Variants in IPO5 observed in about 807,000 individuals in gnomAD.
The protein encoded by IPO5 is importin-5.
Under a neutral mutation model 143.3 loss-of-function variants are expected in IPO5, and 18 were observed. The ratio of observed to expected loss-of-function variants is 0.13; its 90% CI spans 0.09 to 0.19. The LOEUF (loss-of-function observed/expected upper bound fraction) is 0.19. Among genes scored for constraint, IPO5 ranks in the 10% least tolerant of loss-of-function variants. The pLI is 1.00. For missense variants in IPO5, 1,013 were observed against 1,336.9 expected, an observed-to-expected ratio of 0.76 and a Z score of 3.78; for synonymous variants, 477 against 465.7, an observed-to-expected ratio of 1.02 and a Z score of -0.31.
In IPO5 at chr13:98,003,169, A is replaced by G. The variant is rs372890480; in HGVS notation, c.1497+132A>G. 12 of 727,252 alleles carry G rather than the reference A, an allele frequency of 1.7e-5. 1 individual carries two copies. The highest frequency in any genetic ancestry group is 3.5e-5 in the African/African-American group (2 of 56,882). The allele number at this position is 727,252 out of a possible 1,614,324, so 45.0% of individuals were successfully genotyped here. Reference sequence around the variant, plus strand: ...ATAAAGTACAAAAACTGAGGAGGCTATTCGGAGTTGTGGAATGATGAGTAG... The same window carrying G: ...ATAAAGTACAAAAACTGAGGAGGCTGTTCGGAGTTGTGGAATGATGAGTAG... On this transcript the variant is annotated intron_variant, in intron 16 of 28. Transcript: ENST00000651721.
intron 2 of IPO5, among the ~76,000 whole-genome samples, chr13:97,965,760 T>C (rs917846108): frequency 7.7e-6 from 1 of 129,344 alleles, no homozygotes; most frequent in African/African-American, 2.8e-5. Flanking sequence ...ATAGTTTGTG[T>C]GTGTGTGTGT....
chr13:98,009,876 C>T lies in IPO5; in HGVS notation c.1801-5C>T, dbSNP rs763368147. ...ATCTATTTTAATTTTAAAATTTTTC[C>T]CCAGATCTCTTACATGATCTCAGCA... On this transcript the variant is annotated splice_region_variant and splice_polypyrimidine_tract_variant and intron_variant, in intron 18 of 28. Coordinates refer to ENST00000651721, the MANE Select transcript of IPO5 (RefSeq NM_002271.6). 7 of 1,579,954 alleles carry T rather than the reference C, an allele frequency of 4.4e-6. No individual in the cohort carries two copies. In the Admixed American group the frequency reaches 5.6e-5, roughly 13 times the overall value.
At chr13:98,001,362 A>T (rs1208826719) in intron 13 of IPO5, among the ~76,000 whole-genome samples, 1 of 152,144 alleles carries the variant, frequency 6.6e-6, no homozygotes. Flanking sequence ...TTTTGGTGGA[A>T]TCTCGCTCTG....
At chr13:97,966,799 G>A (rs959938831) in intron 2 of IPO5, among the ~76,000 whole-genome samples, 2 of 152,228 alleles carry the variant, frequency 1.3e-5, no homozygotes, top group Admixed American at 1.3e-4. Context: ...AGCACTTTGA[G>A]AGGCCGAGGG....
At chr13:98,007,800 C>T (rs1035527299) in intron 17 of IPO5, among the ~76,000 whole-genome samples, 1 of 152,158 alleles carries the variant, frequency 6.6e-6, no homozygotes, top group African/African-American at 2.4e-5. Flanking sequence ...GCTTGAAATG[C>T]GTAAGCCATA....
At chr13:97,957,467 A>AT (rs1018772208) in intron 2 of IPO5, among the ~76,000 whole-genome samples, 1 of 152,082 alleles carries the variant, frequency 6.6e-6, no homozygotes, top group African/African-American at 2.4e-5. Flanking sequence ...AAGTCCTGGG[A>AT]TTACAGGCAT....
chr13:98,007,801 G>A (rs528925160), intron 17 of IPO5, among the ~76,000 whole-genome samples: 80 of 152,128 alleles, frequency 5.3e-4, no homozygotes, highest in Non-Finnish European at 9.0e-4. Context: ...CTTGAAATGC[G>A]TAAGCCATAG....
In IPO5 at chr13:98,006,356, ATTTTTTTTTTTTT is replaced by A. The variant is rs568589408; in HGVS notation, c.1716+32_1716+44del. The A allele has an allele frequency of 0.012, 6,503 of 553,438 alleles. 82 individuals are homozygous for A. Among genetic ancestry groups the A allele is most frequent in the Admixed American group, 0.039 (849 of 21,830 alleles). The allele number at this position is 553,438 out of a possible 1,614,324, so 34.3% of individuals were successfully genotyped here. The stretch of plus-strand genomic sequence containing the variant: ...GCTGTTGGGAAGGAAAAAGTAAGTA[ATTTTTTTTTTTTT>A]TTTTTTTTTTTTTTTTTTTTTTTGA... On this transcript the variant is annotated intron_variant, in intron 17 of 28. Transcript: ENST00000651721.
intron 2 of IPO5, among the ~76,000 whole-genome samples, chr13:97,968,587 C>T (rs184884265): frequency 6.6e-6 from 1 of 152,276 alleles, no homozygotes; most frequent in East Asian, 1.9e-4. Flanking sequence ...GTTCTATCTT[C>T]CTGATTGAAT....
At chr13:97,987,701 C>A (rs1474888199) in intron 6 of IPO5, among the ~76,000 whole-genome samples, 1 of 152,130 alleles carries the variant, frequency 6.6e-6, no homozygotes, top group Non-Finnish European at 1.5e-5. Context: ...CTGGGTTTCA[C>A]CCTGTTTGCC....
At chr13:97,990,246 TATAAC>T in intron 8 of IPO5, 24 bp downstream of exon 8, 1 of 1,448,268 alleles carries the variant, frequency 6.9e-7, no homozygotes, top group African/African-American at 1.4e-5. Context: ...ATCCTATTAA[TATAAC>T]CATCTATTTT....
At chr13:98,020,607 C>T (rs141761436) in intron 27 of IPO5, among the ~76,000 whole-genome samples, 1 of 152,336 alleles carries the variant, frequency 6.6e-6, no homozygotes, top group East Asian at 1.9e-4. Context: ...TCCCATTAAA[C>T]TTGCCTGAGT....
In IPO5 at chr13:98,021,295, C is replaced by T. The variant is rs958637172; in HGVS notation, c.3207+162C>T. On this transcript the variant is annotated intron_variant, in intron 28 of 28. Coordinates refer to ENST00000651721, the MANE Select transcript of IPO5 (RefSeq NM_002271.6). ...TCAAATGGATTATACTTAATGTAAT[C>T]CATCCGTATGTACTTATTATTTATT... 7.1e-6 allele frequency: 4 copies of T among 564,914 alleles called. No homozygotes were observed. The African/African-American group carries it at 7.9e-5, about 11-fold the overall frequency. 35.0% of individuals were successfully genotyped at this position (564,914 alleles called of 1,614,324 possible).
chr13:97,992,588 C>T (rs1887894580), intron 9 of IPO5, among the ~76,000 whole-genome samples: 1 of 152,036 alleles, frequency 6.6e-6, no homozygotes, highest in Admixed American at 6.6e-5. Context: ...AGGAAAGGGA[C>T]TCCTGGTTAT....
In IPO5 at chr13:98,022,843, G is replaced by A. The variant is rs1305708324; in HGVS notation, c.*1021G>A. ...AACTTTTGAACTTTTAATTATAAGT[G>A]TTATGGCTAAAGTTATTTACTGAAA... is the stretch of plus-strand genomic sequence containing the variant. On this transcript the variant is annotated 3_prime_UTR_variant, in exon 29 of 29. Transcript: ENST00000651721. The A allele has an allele frequency of 2.6e-5, 4 of 152,568 alleles. No homozygotes were observed. The highest frequency in any genetic ancestry group is 7.2e-5 in the African/African-American group (3 of 41,438). The allele number at this position is 152,568 out of a possible 1,614,324, so 9.5% of individuals were successfully genotyped here. A position where few individuals can be genotyped will look rare whatever the true frequency, so the allele number is the denominator to read the frequency against.
intron 25 of IPO5, among the ~76,000 whole-genome samples, chr13:98,017,374 C>A (rs1890192140): frequency 6.6e-6 from 1 of 151,786 alleles, no homozygotes; most frequent in African/African-American, 2.4e-5. Context: ...GCTCTGTCGC[C>A]CAGGCTGGAG....
chr13:97,967,386 T>A (rs1885431934), intron 2 of IPO5, among the ~76,000 whole-genome samples: 2 of 152,250 alleles, frequency 1.3e-5, no homozygotes, highest in South Asian at 4.1e-4. Flanking sequence ...TTCTATTTCA[T>A]TTATTTCCTT....
Position 97,990,219 on chromosome 13 carries a change from G to A in IPO5, c.561G>A (p.Pro187=), listed in dbSNP as rs753360949. Residue 187 remains proline, a synonymous_variant, in exon 8 of 29, where the codon CCG becomes CCA. Transcript: ENST00000651721. ...AGTGTATGCAAGATCAGGAACACCC[G>A]TCGGTAAATAATTTCAATCCTATTA... is the stretch of plus-strand genomic sequence containing the variant. ...LVQCMQDQEH[P]SIRTLSARAT... The A allele has an allele frequency of 3.5e-5, 56 of 1,588,004 alleles. No homozygotes were observed. Among genetic ancestry groups the A allele is most frequent in the Non-Finnish European group, 4.5e-5 (52 of 1,157,368 alleles).
chr13:97,973,038 CTTTTTT>C (rs34572861), intron 3 of IPO5, among the ~76,000 whole-genome samples: 1 of 76,362 alleles, frequency 1.3e-5, no homozygotes, highest in African/African-American at 5.2e-5. Flanking sequence ...CTTTTATCTT[CTTTTTT>C]TTTTTTTTTT....
Sources: allele counts gnomAD v4.1 joint callset (sites outside exome capture counted in the v4.1 genomes callset), GRCh38; gene constraint gnomAD v4.1.1; transcripts MANE v1.5; gene names NCBI Gene and HGNC (gene_info 2026-07-23, HGNC 2026-07-21).